Variants in SERGEF observed in about 807,000 individuals in gnomAD.
The protein encoded by SERGEF is secretion-regulating guanine nucleotide exchange factor.
SERGEF carries 51 observed loss-of-function variants against 50.0 expected under a neutral mutation model. That is an observed-to-expected ratio of 1.02 (90% CI 0.81 to 1.29). The LOEUF (loss-of-function observed/expected upper bound fraction) is 1.29, where lower values mean the gene tolerates loss of function less well. SERGEF is among the 50% of genes most tolerant of loss of function. SERGEF has a pLI of 0.00. For synonymous variants in SERGEF, 205 were observed against 212.4 expected (o/e 0.97, Z 0.30); for missense variants, 521 against 557.0 (o/e 0.94, Z 0.65).
intron 7 of SERGEF, among the ~76,000 whole-genome samples, chr11:17,989,268 A>G (rs554309825): frequency 6.6e-6 from 1 of 152,356 alleles, no homozygotes; most frequent in East Asian, 1.9e-4. Flanking sequence ...AGTTTGTTTT[A>G]ACCTCACAAT....
chr11:17,961,061 A>T (rs1397000757), intron 8 of SERGEF, among the ~76,000 whole-genome samples: 1 of 152,162 alleles, frequency 6.6e-6, no homozygotes, highest in Admixed American at 6.5e-5. Flanking sequence ...TCTCCCCAGA[A>T]AGGGTGAAAG....
Position 17,807,214 on chromosome 11 carries a change from C to T in SERGEF, c.1049-18801G>A, listed in dbSNP as rs1048880071. On this transcript the variant is annotated intron_variant, in intron 10 of 10. Transcript: ENST00000265965. ...GCCAGTAAGGGTTGCCTGGAATGTC[C>T]GGACATGTGATGCTGCCATGGTAAC... Among the ~76,000 whole-genome samples, 8 of 152,112 alleles carry T rather than the reference C, an allele frequency of 5.3e-5. 1 individual carries two copies. The highest frequency in any genetic ancestry group is 2.1e-4 in the South Asian group (1 of 4,818).
intron 10 of SERGEF, among the ~76,000 whole-genome samples, chr11:17,841,752 G>A (rs1850506940): frequency 6.6e-6 from 1 of 152,164 alleles, no homozygotes; most frequent in Non-Finnish European, 1.5e-5. Flanking sequence ...TGGCCTGCAA[G>A]AACCTAATCT....
chr11:17,835,625 T>C (rs1481921671), intron 10 of SERGEF, among the ~76,000 whole-genome samples: 1 of 152,236 alleles, frequency 6.6e-6, no homozygotes, highest in Non-Finnish European at 1.5e-5. Flanking sequence ...AAAACCTTGC[T>C]CATAGCAGAT....
chr11:17,820,897 G>A (rs1850069599), intron 10 of SERGEF, among the ~76,000 whole-genome samples: 1 of 152,134 alleles, frequency 6.6e-6, no homozygotes, highest in Admixed American at 6.5e-5. Flanking sequence ...CACAAGTCAA[G>A]GAATGGCAGC....
chr11:17,913,788 C>G (rs770717566), intron 9 of SERGEF, among the ~76,000 whole-genome samples: 1 of 152,116 alleles, frequency 6.6e-6, no homozygotes, highest in African/African-American at 2.4e-5. Flanking sequence ...CCTCACACAG[C>G]CTGGTTGTAC....
At chr11:17,849,495 CT>C in intron 10 of SERGEF, among the ~76,000 whole-genome samples, 1 of 152,248 alleles carries the variant, frequency 6.6e-6, no homozygotes, top group Middle Eastern at 3.4e-3. Flanking sequence ...CAACCCCACC[CT>C]TGAGGCTAAT....
At chr11:17,810,235 T>C (rs528456950) in intron 10 of SERGEF, among the ~76,000 whole-genome samples, 4 of 152,318 alleles carry the variant, frequency 2.6e-5, no homozygotes, top group African/African-American at 7.2e-5. Context: ...TGCTCTGATA[T>C]TTCTCTCACT....
At chr11:17,905,929 G>A (rs1851832799) in intron 9 of SERGEF, among the ~76,000 whole-genome samples, 1 of 152,204 alleles carries the variant, frequency 6.6e-6, no homozygotes, top group Non-Finnish European at 1.5e-5. Context: ...AGATTGCTGA[G>A]GAGGTCTCCA....
chr11:17,962,224 C>T (rs1853018732), intron 8 of SERGEF, among the ~76,000 whole-genome samples: 1 of 152,100 alleles, frequency 6.6e-6, no homozygotes, highest in Admixed American at 6.5e-5. Flanking sequence ...GCTCTGTGTA[C>T]CATCCAGCTT....
chr11:17,857,790 CA>C (rs1452098855), intron 10 of SERGEF, among the ~76,000 whole-genome samples: 3 of 152,196 alleles, frequency 2.0e-5, no homozygotes, highest in African/African-American at 4.8e-5. Context: ...CTATCCTTGT[CA>C]GCTGTGGCCT....
chr11:18,010,884 T>C (rs1250828769), intron 1 of SERGEF, among the ~76,000 whole-genome samples: 1 of 152,190 alleles, frequency 6.6e-6, no homozygotes, highest in Non-Finnish European at 1.5e-5. Flanking sequence ...ACAGGATTTC[T>C]TGGTCAGCCC....
chr11:17,941,326 C>T (rs1332093728), intron 9 of SERGEF, among the ~76,000 whole-genome samples: 1 of 152,152 alleles, frequency 6.6e-6, no homozygotes, highest in African/African-American at 2.4e-5. Context: ...CATCCATCTC[C>T]AGAACTCTTT....
chr11:17,942,560 C>A (rs1852581979), intron 9 of SERGEF, among the ~76,000 whole-genome samples: 1 of 152,070 alleles, frequency 6.6e-6, no homozygotes. Context: ...TGAATAGAAA[C>A]AGATTTACCT....
intron 10 of SERGEF, among the ~76,000 whole-genome samples, chr11:17,863,350 T>G (rs1170048034): frequency 6.6e-6 from 1 of 152,248 alleles, no homozygotes; most frequent in Non-Finnish European, 1.5e-5. Context: ...AGTTCTACAC[T>G]GTCTAAACAA....
At chr11:17,803,535 T>A (rs2283248) in intron 10 of SERGEF, among the ~76,000 whole-genome samples, 51 of 152,242 alleles carry the variant, frequency 3.3e-4, no homozygotes, top group African/African-American at 1.0e-3. Context: ...TTTCTTCATC[T>A]GTAAATAAGA....
chr11:17,947,461 T>C (rs889427502), intron 9 of SERGEF, among the ~76,000 whole-genome samples: 3 of 152,228 alleles, frequency 2.0e-5, no homozygotes, highest in Non-Finnish European at 4.4e-5. Context: ...AGGCATGCTT[T>C]ACTGTACCAG....
At chr11:17,909,453 A>C (rs1414971480) in intron 9 of SERGEF, among the ~76,000 whole-genome samples, 1 of 152,348 alleles carries the variant, frequency 6.6e-6, no homozygotes, top group Non-Finnish European at 1.5e-5. Flanking sequence ...TACCATTCCC[A>C]GTGGGAGATT....
At chr11:17,958,742 A>G (rs887683331) in intron 9 of SERGEF, among the ~76,000 whole-genome samples, 64 of 152,154 alleles carry the variant, frequency 4.2e-4, no homozygotes, top group African/African-American at 1.5e-3. Context: ...TCCAACCTCC[A>G]TGACTCTTTT....
Sources: allele counts gnomAD v4.1 joint callset (sites outside exome capture counted in the v4.1 genomes callset), GRCh38; gene constraint gnomAD v4.1.1; transcripts MANE v1.5; gene names NCBI Gene and HGNC (gene_info 2026-07-23, HGNC 2026-07-21).